GALNT9: variants seen among roughly 807,000 people sequenced by gnomAD.
GALNT9 encodes the protein GalNAc transferase 9.
In GALNT9, 47 loss-of-function variants were observed where a neutral mutation model predicts 63.1. The ratio of observed to expected loss-of-function variants is 0.75; its 90% CI spans 0.59 to 0.95. GALNT9 has a LOEUF of 0.95. GALNT9 is among the 40% of genes least tolerant of loss of function. The probability of loss-of-function intolerance (pLI) is 0.00; values close to 1 mark genes in which losing one functional copy is unlikely to be tolerated. For synonymous variants in GALNT9, 396 were observed against 365.7 expected (o/e 1.08, Z -0.94); for missense variants, 829 against 874.8 (o/e 0.95, Z 0.66).
intron 2 of GALNT9, chr12:132,272,646 A>G (rs1879912145): frequency 6.6e-6 from 1 of 152,268 alleles, no homozygotes; most frequent in African/African-American, 2.4e-5. Flanking sequence ...ACCCAGCACT[A>G]GTTAGCATAA....
Position 132,246,640 on chromosome 12 carries a change from C to T in GALNT9, c.1077+1270G>A, listed in dbSNP as rs1878715465. 6.6e-6 allele frequency among the ~76,000 whole-genome samples: 1 copy of T among 152,230 alleles called. No homozygotes were observed. The highest frequency in any genetic ancestry group is 2.1e-4 in the South Asian group (1 of 4,832). On this transcript the variant is annotated intron_variant, in intron 6 of 10. Coordinates refer to ENST00000328957, the MANE Select transcript of GALNT9 (RefSeq NM_001122636.2). The surrounding 1 kb of genome is among the most constrained non-coding windows in gnomAD (Gnocchi z 4.7). ...TTCCGCCTCCTGGGTTCAAGTGATTCTCCTGCCTCAGCCTCCTGAGTAGCT... is the reference window on the plus strand; with the variant it reads ...TTCCGCCTCCTGGGTTCAAGTGATTTTCCTGCCTCAGCCTCCTGAGTAGCT...
At chr12:132,260,279 CGGCCCTGCCCACACCTTGGAGTCG>C (rs1201418173) in intron 4 of GALNT9, among the ~76,000 whole-genome samples, 94 of 152,244 alleles carry the variant, frequency 6.2e-4, no homozygotes, top group African/African-American at 1.3e-3. Flanking sequence ...GGGGGAAACT[CGGCCCTGCCCACACCTTGGAGTCG>C]GGCCCTGCCC....
At chr12:132,288,318 C>T (rs1204450582) in intron 1 of GALNT9, among the ~76,000 whole-genome samples, 1 of 152,184 alleles carries the variant, frequency 6.6e-6, no homozygotes, top group Non-Finnish European at 1.5e-5. Flanking sequence ...ACAAAGTGTC[C>T]GTATTTATGT....
rs562894930 is a variant in GALNT9, at chr12:132,252,915, C to G, written c.959+4774G>C. Among the ~76,000 whole-genome samples, 19 of 149,942 alleles carry G rather than the reference C, an allele frequency of 1.3e-4. No homozygotes were observed. The highest frequency in any genetic ancestry group is 2.2e-4 in the Non-Finnish European group (15 of 67,702). ...AAAAAGACACGGAGACCAGTAGTGG[C>G]CCCGAACGGCTGGGTGCGCTGATAT... On this transcript the variant is annotated intron_variant, in intron 5 of 10. Transcript: ENST00000328957. This position sits in a 1 kb window ranked among gnomAD's most constrained non-coding sequence, Gnocchi z 5.2.
At chr12:132,207,599 C>T (rs4077837) in intron 6 of GALNT9, among the ~76,000 whole-genome samples, 1 of 152,154 alleles carries the variant, frequency 6.6e-6, no homozygotes, top group East Asian at 1.9e-4. Flanking sequence ...CCCACCGTGT[C>T]TCTAGAAGGA....
chr12:132,210,609 C>T (rs1005261594), intron 6 of GALNT9, among the ~76,000 whole-genome samples: 2 of 152,164 alleles, frequency 1.3e-5, no homozygotes, highest in African/African-American at 2.4e-5. Flanking sequence ...GGCGGTGAGA[C>T]ACAGGCATGC....
At position 132,197,852 on chromosome 12, in the gene GALNT9, G is replaced by A. The variant is rs1482072527; in HGVS notation, c.1605C>T (p.Pro535=). 2.5e-6 allele frequency: 4 copies of A among 1,607,398 alleles called. No homozygotes were observed. The highest frequency in any genetic ancestry group is 3.4e-5 in the Admixed American group (2 of 59,280). ...CCACATCCTCACACTTCTTCAGGGT[G>A]GGCATGCGGCCCGTGCCGTCATCCA... is the stretch of plus-strand genomic sequence containing the variant. The part of the protein sequence containing the change: ...CLVDDGTGRM[P]TLKKCEDVAR... Residue 535 remains proline (P), a synonymous_variant, in exon 10 of 11, where the codon CCC becomes CCT. Transcript: ENST00000328957.
At chr12:132,281,116 C>T (rs1030249848) in intron 2 of GALNT9, among the ~76,000 whole-genome samples, 1 of 152,220 alleles carries the variant, frequency 6.6e-6, no homozygotes, top group East Asian at 1.9e-4. Context: ...CAGCCACACT[C>T]GCTGAGCCGC....
chr12:132,219,815 C>T (rs111584826), intron 6 of GALNT9, among the ~76,000 whole-genome samples: 2 of 145,242 alleles, frequency 1.4e-5, no homozygotes, highest in African/African-American at 5.1e-5. Context: ...AGGGTGACAC[C>T]CGCCCGGGTA....
At chr12:132,219,651 G>A (rs546381788) in intron 6 of GALNT9, among the ~76,000 whole-genome samples, 9 of 151,934 alleles carry the variant, frequency 5.9e-5, no homozygotes, top group African/African-American at 2.2e-4. Context: ...AGCAGCACCC[G>A]CGCTTGGGTA....
intron 6 of GALNT9, among the ~76,000 whole-genome samples, chr12:132,217,288 T>TCCAG (rs1261886541): frequency 7.1e-6 from 1 of 140,740 alleles, no homozygotes; most frequent in Non-Finnish European, 1.5e-5. Context: ...TATCTATCCA[T>TCCAG]CCAGCCAGCC....
rs2136897033 is a variant in GALNT9, at chr12:132,239,497, CAG to C, written c.1077+8411_1077+8412del. Among the ~76,000 whole-genome samples, 277 of 145,364 alleles carry C rather than the reference CAG, an allele frequency of 1.9e-3. 1 individual carries two copies. The highest frequency in any genetic ancestry group is 6.7e-3 in the African/African-American group (258 of 38,752). ...ACAAAGAGACAGAGATACAGAGAGA[CAG>C]AGAGAGACACACACACTGAGAGACT... On this transcript the variant is annotated intron_variant, in intron 6 of 10. Transcript: ENST00000328957.
Position 132,261,022 on chromosome 12 carries a change from CCG to C in GALNT9, c.685_686del (p.Arg229AlafsTer16), listed in dbSNP as rs1879361171. ...NSRREGLIRA[R>X]LQGWKAATAP... ...CGGTGGCCGCCTTCCAGCCCTGCAG[CCG>C]CGCGCGGATCAGTCCTTCCCGCCGG... is the stretch of plus-strand genomic sequence containing the variant. On this transcript the variant is annotated frameshift_variant, in exon 4 of 11. Transcript: ENST00000328957. LOFTEE classifies it high-confidence loss of function. 1 of 1,550,768 alleles carries C rather than the reference CCG, an allele frequency of 6.4e-7. No individual in the cohort carries two copies. The highest frequency in any genetic ancestry group is 2.4e-5 in the East Asian group (1 of 40,886).
At chr12:132,210,850 C>T (rs1004377824) in intron 6 of GALNT9, among the ~76,000 whole-genome samples, 7 of 150,348 alleles carry the variant, frequency 4.7e-5, no homozygotes, top group Non-Finnish European at 5.9e-5. Context: ...TGGAGGTCGC[C>T]GTCTGGCGGT....
intron 6 of GALNT9, among the ~76,000 whole-genome samples, chr12:132,243,426 T>C (rs2136905437): frequency 0.21 from 29,139 of 141,668 alleles, 3,786 homozygotes; most frequent in Middle Eastern, 0.35. Flanking sequence ...CCTCCTCGTC[T>C]TCCGGAGCTC....
intron 1 of GALNT9, among the ~76,000 whole-genome samples, chr12:132,312,128 T>A (rs1881836151): frequency 6.6e-6 from 1 of 152,272 alleles, no homozygotes; most frequent in Non-Finnish European, 1.5e-5. Flanking sequence ...GTGAAAAGAC[T>A]GACTGCCCTT....
rs376719670 is a variant in GALNT9, at chr12:132,298,692, C to G, written c.239-12262G>C. 3.7e-4 allele frequency among the ~76,000 whole-genome samples: 55 copies of G among 149,226 alleles called. No individual in the cohort carries two copies. The East Asian group carries it at 7.0e-3, about 19-fold the overall frequency. ...CACTCCCACCACACCTAACCCACCCCTGAGATAACCAAGCCACTGCTGAGA... is the reference window on the plus strand; with the variant it reads ...CACTCCCACCACACCTAACCCACCCGTGAGATAACCAAGCCACTGCTGAGA... On this transcript the variant is annotated intron_variant, in intron 1 of 10. Coordinates refer to ENST00000328957, the MANE Select transcript of GALNT9 (RefSeq NM_001122636.2).
At chr12:132,299,441 C>A (rs1201739445) in intron 1 of GALNT9, among the ~76,000 whole-genome samples, 3 of 138,416 alleles carry the variant, frequency 2.2e-5, no homozygotes, top group Non-Finnish European at 3.1e-5. Flanking sequence ...CCATAACTAA[C>A]CCACTCCCAC....
chr12:132,258,250 C>G (rs377026813), intron 4 of GALNT9, among the ~76,000 whole-genome samples: 2 of 152,240 alleles, frequency 1.3e-5, no homozygotes, highest in Admixed American at 6.5e-5. Context: ...CTCTGCCCAG[C>G]CCCGAGTCCC....
Sources: allele counts gnomAD v4.1 joint callset (sites outside exome capture counted in the v4.1 genomes callset), GRCh38; gene constraint gnomAD v4.1.1; non-coding constraint Gnocchi (gnomAD v3.1); transcripts MANE v1.5; gene names NCBI Gene and HGNC (gene_info 2026-07-23, HGNC 2026-07-21).